Variants in PIGN observed in about 807,000 individuals in gnomAD.
PIGN encodes phosphatidylinositol glycan anchor biosynthesis class N.
Under a neutral mutation model 125.4 loss-of-function variants are expected in PIGN, and 117 were observed. The observed-to-expected ratio is 0.93, with a 90% confidence interval of 0.80 to 1.09. The LOEUF is 1.09. Ranked by LOEUF, PIGN falls within the 50% of genes least tolerant of loss-of-function variation. The pLI, the probability that PIGN is intolerant of heterozygous loss-of-function variation, is 0.00. For missense variants in PIGN, 1,075 were observed against 1,094.9 expected (o/e 0.98, Z 0.26); for synonymous variants, 392 against 377.8 (o/e 1.04, Z -0.44).
In PIGN at chr18:62,088,765, G is replaced by C; in HGVS notation, c.2361C>G (p.Ala787=). The change falls in exon 25 of 31, where the codon GCC becomes GCG. Residue 787 remains alanine (A), a synonymous_variant. Transcript: ENST00000640252. ...RQLYLDDIRR[A]FFLVFFLVTA... is the part of the protein sequence containing the mutation. ...TCTCCACAAAGGATACAAGGAAAAAGGCCCTACGGATGTCATCCAGATATA... is the reference window on the plus strand; with the variant it reads ...TCTCCACAAAGGATACAAGGAAAAACGCCCTACGGATGTCATCCAGATATA... 6.4e-7 allele frequency: 1 copy of C among 1,550,488 alleles called. No homozygotes were observed. The highest frequency in any genetic ancestry group is 1.2e-5 in the South Asian group (1 of 84,410).
intron 23 of PIGN, 106 bp downstream of exon 23, chr18:62,095,742 T>C: frequency 1.5e-6 from 1 of 670,110 alleles, no homozygotes; most frequent in Non-Finnish European, 2.6e-6. Flanking sequence ...TCCCTCAAGA[T>C]TTAGAAAACA....
In PIGN at chr18:62,045,102, G is replaced by A. The variant is rs1019378425; in HGVS notation, c.*754C>T. The A allele has an allele frequency of 6.6e-6, 1 of 152,050 alleles. No individual in the cohort carries two copies. The highest frequency in any genetic ancestry group is 2.4e-5 in the African/African-American group (1 of 41,392). The allele number at this position is 152,050 out of a possible 1,614,324, so 9.4% of individuals were successfully genotyped here. A position where few individuals can be genotyped will look rare whatever the true frequency, so the allele number is the denominator to read the frequency against. ...TATACGAAAAAGCTATGGGGTAACA[G>A]ATGTTGAGCCTACAATTAAAAACTA... On this transcript the variant is annotated 3_prime_UTR_variant, in exon 31 of 31. Transcript: ENST00000640252.
In PIGN at chr18:62,043,571, T is replaced by A. The variant is rs926625293; in HGVS notation, c.*2285A>T. ...TAATAAATAATTATAAAGACATTAC[T>A]ATGAAAATATACAATCATTTATAAC... On this transcript the variant is annotated 3_prime_UTR_variant, in exon 31 of 31. Coordinates refer to ENST00000640252, the MANE Select transcript of PIGN (RefSeq NM_176787.5). The A allele has an allele frequency of 6.6e-6, 1 of 152,196 alleles. No homozygotes were observed. The highest frequency in any genetic ancestry group is 1.5e-5 in the Non-Finnish European group (1 of 68,032). The allele number at this position is 152,196 out of a possible 1,614,324, so 9.4% of individuals were successfully genotyped here.
At chr18:62,091,571 A>G (rs2033962020) in intron 23 of PIGN, among the ~76,000 whole-genome samples, 1 of 152,230 alleles carries the variant, frequency 6.6e-6, no homozygotes, top group African/African-American at 2.4e-5. Context: ...TATTGTTTAC[A>G]GAAGCAGGAA....
intron 23 of PIGN, among the ~76,000 whole-genome samples, chr18:62,032,659 A>AT (rs1003481082): frequency 1.3e-5 from 2 of 152,138 alleles, no homozygotes; most frequent in Non-Finnish European, 1.5e-5. Flanking sequence ...TGCATTTAAA[A>AT]TTTTTTTTAA....
chr18:62,127,874 T>C (rs17642804), intron 14 of PIGN, among the ~76,000 whole-genome samples: 36,121 of 151,898 alleles, frequency 0.24, 4,555 homozygotes, highest in Middle Eastern at 0.38. Flanking sequence ...CAGGCCATAA[T>C]AAACATACAT....
In PIGN at chr18:62,042,960, A is replaced by G. The variant is rs1024133026; in HGVS notation, c.*2896T>C. On this transcript the variant is annotated 3_prime_UTR_variant, in exon 31 of 31. Coordinates refer to ENST00000640252, the MANE Select transcript of PIGN (RefSeq NM_176787.5). ...AACAAAAAACCATGCTTATACAGAA[A>G]TGGGAAAATGCTACAAAGATATTGC... The G allele has an allele frequency of 6.6e-6, 1 of 152,206 alleles. No individual in the cohort carries two copies. The highest frequency in any genetic ancestry group is 2.4e-5 in the African/African-American group (1 of 41,452). The allele number at this position is 152,206 out of a possible 1,614,324, so 9.4% of individuals were successfully genotyped here.
intron 10 of PIGN, 69 bp downstream of exon 10, chr18:62,145,840 C>T (rs1276946337): frequency 6.4e-6 from 5 of 779,206 alleles, no homozygotes; most frequent in Non-Finnish European, 8.6e-6. Context: ...AGAGTGATTT[C>T]TTAAAAATTT....
chr18:62,041,644 T>TGG lies in PIGN; in HGVS notation c.*4211_*4212insCC, dbSNP rs2030382185. On this transcript the variant is annotated 3_prime_UTR_variant, in exon 31 of 31. Coordinates refer to ENST00000640252, the MANE Select transcript of PIGN (RefSeq NM_176787.5). ...CAGGAGCCTACCACCCCGCCGGGTG[T>TGG]GTGTGTGTGTGTGTGTGTGTGTGTG... is the stretch of plus-strand genomic sequence containing the variant. 1 of 65,928 alleles carries TGG rather than the reference T, an allele frequency of 1.5e-5. No individual in the cohort carries two copies. Among genetic ancestry groups the TGG allele is most frequent in the Non-Finnish European group, 3.3e-5 (1 of 29,854 alleles). The allele number at this position is 65,928 out of a possible 1,614,324, so 4.1% of individuals were successfully genotyped here.
At chr18:62,101,807 A>G (rs1302553867) in intron 21 of PIGN, among the ~76,000 whole-genome samples, 1 of 152,166 alleles carries the variant, frequency 6.6e-6, no homozygotes, top group Non-Finnish European at 1.5e-5. Context: ...TTATTTATTT[A>G]TTTATTCAGT....
intron 14 of PIGN, among the ~76,000 whole-genome samples, chr18:62,114,969 G>C (rs967639784): frequency 1.3e-5 from 2 of 152,142 alleles, no homozygotes; most frequent in Non-Finnish European, 2.9e-5. Context: ...CAAACGTATG[G>C]CATGAGCTCT....
At chr18:62,027,127 C>T (rs1001400026) in intron 23 of PIGN, among the ~76,000 whole-genome samples, 2 of 152,074 alleles carry the variant, frequency 1.3e-5, no homozygotes, top group African/African-American at 4.8e-5. Context: ...CACTTGAATC[C>T]GGGAGGCAGA....
intron 1 of PIGN, among the ~76,000 whole-genome samples, chr18:62,180,692 G>T (rs977954314): frequency 6.6e-6 from 1 of 151,968 alleles, no homozygotes; most frequent in Admixed American, 6.5e-5. Context: ...TAGGGTTATT[G>T]ACCTTTTATT....
At chr18:62,175,841 T>C (rs4245290) in intron 1 of PIGN, among the ~76,000 whole-genome samples, 88,480 of 151,978 alleles carry the variant, frequency 0.58, 26,564 homozygotes, top group East Asian at 0.78. Flanking sequence ...ACAGTTAATG[T>C]AGCATCAAGT....
intron 30 of PIGN, among the ~76,000 whole-genome samples, chr18:62,055,951 T>C (rs1209525331): frequency 6.7e-6 from 1 of 150,198 alleles, no homozygotes; most frequent in Non-Finnish European, 1.5e-5. Flanking sequence ...AGATAATTTA[T>C]AATTAGAAGA....
intron 25 of PIGN, 76 bp downstream of exon 25, chr18:62,088,680 G>A: frequency 2.5e-6 from 2 of 803,306 alleles, no homozygotes; most frequent in South Asian, 1.5e-5. Flanking sequence ...GTGATGGGCA[G>A]AAACACCTTC....
chr18:62,038,318 T>TTTTTG (rs2030288377), downstream of PIGN, among the ~76,000 whole-genome samples: 1 of 150,392 alleles, frequency 6.6e-6, no homozygotes, highest in African/African-American at 2.5e-5. Context: ...GTTTTTTTTT[T>TTTTTG]TTTTTTTTTT....
chr18:62,161,266 G>C lies in PIGN; in HGVS notation c.88C>G (p.His30Asp). 6.2e-7 allele frequency: 1 copy of C among 1,613,608 alleles called. No individual in the cohort carries two copies. Among genetic ancestry groups the C allele is most frequent in the Non-Finnish European group, 8.5e-7 (1 of 1,179,668 alleles). Reference protein sequence around the residue: ...FDIYFTSPLVHGMTPQFTPLP... With the variant: ...FDIYFTSPLVDGMTPQFTPLP... ...GGTGTAAACTGAGGAGTCATTCCAT[G>C]AACCAAAGGAGATGTAAAATAAATG... The change falls in exon 4 of 31, where the codon CAT becomes GAT. Residue 30 changes from histidine to aspartate, a missense_variant. By Grantham distance (81) the His-to-Asp change is moderately conservative. Transcript: ENST00000640252.
At chr18:62,112,020 A>C (rs2034898681) in intron 16 of PIGN, among the ~76,000 whole-genome samples, 1 of 152,232 alleles carries the variant, frequency 6.6e-6, no homozygotes, top group Admixed American at 6.5e-5. Flanking sequence ...TCTGGATTAA[A>C]GTCTCAGTCC....
Sources: allele counts gnomAD v4.1 joint callset (sites outside exome capture counted in the v4.1 genomes callset), GRCh38; gene constraint gnomAD v4.1.1; transcripts MANE v1.5; gene names NCBI Gene and HGNC (gene_info 2026-07-23, HGNC 2026-07-21).